The following UBA3 variants were observed in gnomAD, a reference collection of about 807,000 sequenced individuals.
UBA3 encodes the protein ubiquitin like modifier activating enzyme 3, also known as NEDD8-activating enzyme E1 catalytic subunit.
Under a neutral mutation model 73.5 loss-of-function variants are expected in UBA3, and 26 were observed. That is an observed-to-expected ratio of 0.35 (90% CI 0.26 to 0.49). The LOEUF is 0.49. Ranked by LOEUF, UBA3 falls within the 20% of genes least tolerant of loss-of-function variation. The pLI, the probability that UBA3 is intolerant of heterozygous loss-of-function variation, is 0.98. For missense variants in UBA3, 495 were observed against 555.6 expected (o/e 0.89, Z 1.10); for synonymous variants, 217 against 191.2 (o/e 1.13, Z -1.11).
At chr3:69,073,831 G>C (rs1473605970) in intron 4 of UBA3, among the ~76,000 whole-genome samples, 1 of 144,006 alleles carries the variant, frequency 6.9e-6, no homozygotes, top group African/African-American at 2.5e-5. Context: ...TTTTAGTAGA[G>C]ACGGGGTTTC....
intron 8 of UBA3, 79 bp from the exon 9 acceptor site, chr3:69,063,216 A>G (rs1195621088): frequency 6.4e-7 from 1 of 1,559,130 alleles, no homozygotes; most frequent in African/African-American, 1.4e-5. Context: ...AAGTAATCCT[A>G]TGAGTCGGTT....
chr3:69,055,374 C>A lies in UBA3; in HGVS notation c.*63G>T. 1 of 1,100,048 alleles carries A rather than the reference C, an allele frequency of 9.1e-7. No individual in the cohort carries two copies. Among genetic ancestry groups the A allele is most frequent in the South Asian group, 2.1e-5 (1 of 46,552 alleles). The allele number at this position is 1,100,048 out of a possible 1,614,324, so 68.1% of individuals were successfully genotyped here. A position where few individuals can be genotyped will look rare whatever the true frequency, so the allele number is the denominator to read the frequency against. ...ACTATTGCTAAAAATGACATCGATT[C>A]AACTTCTTAGCATCCACAAAGTATA... is the stretch of plus-strand genomic sequence containing the variant. On this transcript the variant is annotated 3_prime_UTR_variant, in exon 18 of 18. Transcript: ENST00000361055.
At chr3:69,080,245 G>C in intron 1 of UBA3, 89 bp downstream of exon 1, 1 of 1,548,556 alleles carries the variant, frequency 6.5e-7, no homozygotes, top group Non-Finnish European at 8.7e-7. Context: ...GGGGGTGTGG[G>C]GACCCCGGGT....
Position 69,063,396 on chromosome 3 carries a change from C to A in UBA3, c.537+43G>T, listed in dbSNP as rs1454764306. The A allele has an allele frequency of 1.4e-5, 21 of 1,553,638 alleles. No individual in the cohort carries two copies. In the Admixed American group the frequency reaches 3.2e-4, roughly 24 times the overall value. On this transcript the variant is annotated intron_variant, in intron 8 of 17. Transcript: ENST00000361055. ...CTAATTTTGGGGATGTGAAGCACAG[C>A]AGCAAGAACTTCAGAGAACTATAAC...
intron 2 of UBA3, among the ~76,000 whole-genome samples, chr3:69,079,533 G>A (rs905464119): frequency 2.0e-5 from 3 of 152,212 alleles, no homozygotes; most frequent in Non-Finnish European, 4.4e-5. Flanking sequence ...CACCAGCATA[G>A]AATTAAGCAT....
In UBA3 at chr3:69,063,157, G is replaced by A; in HGVS notation, c.538-20C>T. The A allele has an allele frequency of 2.5e-6, 4 of 1,611,746 alleles. No individual in the cohort carries two copies. Among genetic ancestry groups the A allele is most frequent in the Non-Finnish European group, 2.5e-6 (3 of 1,178,896 alleles). On this transcript the variant is annotated intron_variant, in intron 8 of 17. Coordinates refer to ENST00000361055, the MANE Select transcript of UBA3 (RefSeq NM_003968.4). The stretch of plus-strand genomic sequence containing the variant: ...AGATATCTAGGAAAACAATTTGAAG[G>A]GCTTTAAAGGAGAAGGGGATAAGAA...
chr3:69,059,165 A>T (rs2055684), intron 11 of UBA3, among the ~76,000 whole-genome samples: 74,741 of 151,988 alleles, frequency 0.49, 18,733 homozygotes, highest in Admixed American at 0.58. Flanking sequence ...GATATTGAAG[A>T]GTTCTATGAA....
chr3:69,056,097 T>C (rs2091970869), intron 15 of UBA3, 34 bp from the exon 16 acceptor site: 1 of 1,567,254 alleles, frequency 6.4e-7, no homozygotes, highest in African/African-American at 1.4e-5. Context: ...GTATCAAACA[T>C]AATTTTTATC....
intron 5 of UBA3, 27 bp downstream of exon 5, chr3:69,071,503 AAAAAG>A: frequency 7.9e-7 from 1 of 1,272,688 alleles, no homozygotes; most frequent in Non-Finnish European, 1.1e-6. Flanking sequence ...CAGAGCTTAA[AAAAAG>A]AAAACCGCTA....
In UBA3 at chr3:69,063,072, C is replaced by T. The variant is rs1204650310; in HGVS notation, c.603G>A (p.Gly201=). ...CATTTCCTTTAAAACCTTCTGTCCC[C>T]CCATCTATCAAAGGGACAATGGAGC... is the stretch of plus-strand genomic sequence containing the variant. ...DPSSIVPLID[G]GTEGFKGNAR... The change falls in exon 9 of 18, where the codon GGG becomes GGA. Residue 201 remains glycine, a synonymous_variant. Coordinates refer to ENST00000361055, the MANE Select transcript of UBA3 (RefSeq NM_003968.4). 1.2e-6 allele frequency: 2 copies of T among 1,614,036 alleles called. No homozygotes were observed. Among genetic ancestry groups the T allele is most frequent in the Middle Eastern group, 1.6e-4 (1 of 6,062 alleles).
rs796979984 is a variant in UBA3, at chr3:69,063,896, A to G, written c.472+172T>C. ...ATAGAAACTTGTAGCTGGTCATGTC[A>G]GCTAAAACTAGCATTCTCTTTTCAG... On this transcript the variant is annotated intron_variant, in intron 7 of 17. Coordinates refer to ENST00000361055, the MANE Select transcript of UBA3 (RefSeq NM_003968.4). Among the ~76,000 whole-genome samples the G allele has an allele frequency of 9.8e-5, 15 of 152,310 alleles. 1 individual carries two copies. The highest frequency in any genetic ancestry group is 3.6e-4 in the African/African-American group (15 of 41,568).
At chr3:69,057,574 TTTAG>T (rs1447226999) in intron 11 of UBA3, among the ~76,000 whole-genome samples, 6 of 152,210 alleles carry the variant, frequency 3.9e-5, no homozygotes, top group Non-Finnish European at 8.8e-5. Context: ...TAGTTAACAA[TTTAG>T]AGTATTATGT....
At chr3:69,070,826 T>C (rs527776617) in intron 5 of UBA3, among the ~76,000 whole-genome samples, 182 of 152,212 alleles carry the variant, frequency 1.2e-3, no homozygotes, top group Non-Finnish European at 2.2e-3. Context: ...TTAATTTTTT[T>C]GTAGAGACGA....
chr3:69,061,138 T>C (rs1224311877), intron 11 of UBA3, among the ~76,000 whole-genome samples: 1 of 152,218 alleles, frequency 6.6e-6, no homozygotes, highest in Non-Finnish European at 1.5e-5. Context: ...TTAAAAGCTA[T>C]TACTTAAAAG....
chr3:69,056,306 A>T (rs758949077), intron 14 of UBA3, 23 bp from the exon 15 acceptor site: 72 of 1,510,186 alleles, frequency 4.8e-5, no homozygotes, highest in Admixed American at 6.5e-5. Context: ...TACACAACAA[A>T]TTACAGCAGC....
chr3:69,056,458 T>C (rs2091974589), intron 14 of UBA3, 154 bp downstream of exon 14: 1 of 860,950 alleles, frequency 1.2e-6, no homozygotes, highest in African/African-American at 1.7e-5. Flanking sequence ...ATTACTTCGC[T>C]ATAGAGTTAT....
At chr3:69,057,498 A>C (rs1281197459) in intron 11 of UBA3, among the ~76,000 whole-genome samples, 189 bp from the exon 12 acceptor site, 1 of 152,254 alleles carries the variant, frequency 6.6e-6, no homozygotes, top group Non-Finnish European at 1.5e-5. Flanking sequence ...CAGAATCTTA[A>C]GCTACAGTAG....
intron 14 of UBA3, 124 bp downstream of exon 14, chr3:69,056,488 G>GAT (rs2091974960): frequency 1.1e-6 from 1 of 897,722 alleles, no homozygotes; most frequent in Admixed American, 2.9e-5. Context: ...TAAAGCAAAA[G>GAT]ATATATAATA....
At chr3:69,056,315 G>C (rs751700777) in intron 14 of UBA3, 32 bp from the exon 15 acceptor site, 5 of 1,438,820 alleles carry the variant, frequency 3.5e-6, no homozygotes, top group Non-Finnish European at 4.7e-6. Flanking sequence ...AATTACAGCA[G>C]CACATGCACC....
Sources: gnomAD v4.1 joint callset for allele counts (sites outside exome capture counted in the v4.1 genomes callset) on GRCh38, gnomAD v4.1.1 for gene constraint, MANE v1.5 for transcripts, NCBI Gene and HGNC (gene_info 2026-07-23, HGNC 2026-07-21) for gene names.